The following MSI1 variants were observed in gnomAD, a reference collection of about 807,000 sequenced individuals.
The protein encoded by MSI1 is musashi RNA binding protein 1.
MSI1 carries 15 observed loss-of-function variants against 54.4 expected under a neutral mutation model. The observed-to-expected ratio is 0.28, with a 90% confidence interval of 0.18 to 0.42. The LOEUF is 0.42. MSI1 is among the 20% of genes least tolerant of loss of function. The pLI is 1.00. For missense variants in MSI1, 304 were observed against 506.0 expected (o/e 0.60, Z 3.83); for synonymous variants, 200 against 196.5 (o/e 1.02, Z -0.15).
intron 14 of MSI1, among the ~76,000 whole-genome samples, chr12:120,344,548 T>A (rs971036593): frequency 7.3e-5 from 11 of 150,904 alleles, no homozygotes; most frequent in African/African-American, 9.7e-5. Flanking sequence ...TACAAAAAAA[T>A]TTTTTAAAAA....
chr12:120,351,294 C>T, intron 11 of MSI1, 50 bp downstream of exon 11: 2 of 1,544,338 alleles, frequency 1.3e-6, no homozygotes, highest in Non-Finnish European at 1.8e-6. Context: ...TGGGCCCCTT[C>T]TGTTTCTCCC....
At chr12:120,356,840 C>G (rs1021225035) in intron 9 of MSI1, 62 bp downstream of exon 9, 2 of 1,445,332 alleles carry the variant, frequency 1.4e-6, no homozygotes, top group African/African-American at 1.4e-5. Flanking sequence ...ACCCACACAG[C>G]CCCTGCTAGT....
chr12:120,359,316 G>T lies in MSI1; in HGVS notation c.403-263C>A, dbSNP rs545163366. ...TGCATGGTAAGATCCCCATGGTGTA[G>T]ATAAGAAAGTAGGCTCAGAGAGGTG... On this transcript the variant is annotated intron_variant, in intron 6 of 14. Coordinates refer to ENST00000257552, the MANE Select transcript of MSI1 (RefSeq NM_002442.4). Among the ~76,000 whole-genome samples the T allele has an allele frequency of 5.3e-5, 8 of 152,332 alleles. No homozygotes were observed. In the East Asian group the frequency reaches 9.6e-4, roughly 18 times the overall value.
Position 120,368,384 on chromosome 12 carries a change from G to T in MSI1, c.101-111C>A. 1 of 1,173,418 alleles carries T rather than the reference G, an allele frequency of 8.5e-7. No homozygotes were observed. The allele number at this position is 1,173,418 out of a possible 1,614,324, so 72.7% of individuals were successfully genotyped here. On this transcript the variant is annotated intron_variant, in intron 2 of 14. Transcript: ENST00000257552. This position sits in a 1 kb window ranked among gnomAD's most constrained non-coding sequence, Gnocchi z 6.6. ...GGCCCGGCCGCCCCCGCGCCAAGCT[G>T]CCCGCGCGTTCTCCACTGCCGCCGC...
intron 6 of MSI1, among the ~76,000 whole-genome samples, chr12:120,361,999 G>T (rs1875696998): frequency 6.6e-6 from 1 of 151,880 alleles, no homozygotes; most frequent in Non-Finnish European, 1.5e-5. Context: ...ACACCCCGCC[G>T]CAGCCGAGCC....
chr12:120,356,808 C>G lies in MSI1; in HGVS notation c.652+94G>C, dbSNP rs1592938668. The G allele has an allele frequency of 5.4e-6, 6 of 1,105,688 alleles. No individual in the cohort carries two copies. The East Asian group carries it at 1.4e-4, about 26-fold the overall frequency. 68.5% of individuals were successfully genotyped at this position (1,105,688 alleles called of 1,614,324 possible). The stretch of plus-strand genomic sequence containing the variant: ...CTCAATGACTCAGACAGGAGGAGGG[C>G]AGACCACAGGGGAGGTGCAACACCC... On this transcript the variant is annotated intron_variant, in intron 9 of 14. Transcript: ENST00000257552.
At chr12:120,357,534 C>T (rs1875240322) in intron 8 of MSI1, among the ~76,000 whole-genome samples, 1 of 152,192 alleles carries the variant, frequency 6.6e-6, no homozygotes. Flanking sequence ...CGGAGTCTCA[C>T]TCACTCTGTT....
rs768324684 is a variant in MSI1, at chr12:120,356,976, G to A, written c.578C>T (p.Thr193Met). 32 of 1,614,126 alleles carry A rather than the reference G, an allele frequency of 2.0e-5. No homozygotes were observed. Among genetic ancestry groups the A allele is most frequent in the East Asian group, 4.5e-5 (2 of 44,896 alleles). Residue 193 changes from threonine (T) to methionine (M), a missense_variant, in exon 9 of 15, where the codon ACG becomes ATG. This residue lies in a region of MSI1 where 22 missense variants were observed against 19.6 expected (regional missense o/e 1.12). Transcript: ENST00000257552. ...TCGAGACCTCCCCCGGGCTGAGCCC[G>A]TTGGCGACATCACCTCCTTTGGCTG... is the stretch of plus-strand genomic sequence containing the variant. The part of the protein sequence containing the change: ...KAQPKEVMSP[T>M]GSARGRSRVM...
At chr12:120,353,220 CT>C in intron 10 of MSI1, 78 bp downstream of exon 10, 1 of 1,426,518 alleles carries the variant, frequency 7.0e-7, no homozygotes. Context: ...CCATGCACCC[CT>C]AGACACCACC....
At chr12:120,367,134 G>T (rs1035803377) in intron 4 of MSI1, among the ~76,000 whole-genome samples, 1 of 152,100 alleles carries the variant, frequency 6.6e-6, no homozygotes, top group Admixed American at 6.6e-5. Flanking sequence ...TTGGGCACAA[G>T]CAGCTATTGT....
At chr12:120,357,941 CG>C in intron 7 of MSI1, 43 bp from the exon 8 acceptor site, 1 of 1,583,380 alleles carries the variant, frequency 6.3e-7, no homozygotes, top group South Asian at 1.1e-5. Context: ...AGAACCAGAG[CG>C]CAGGGTCAAA....
chr12:120,345,303 G>A (rs998704715), intron 14 of MSI1, among the ~76,000 whole-genome samples: 2 of 152,102 alleles, frequency 1.3e-5, no homozygotes. Context: ...GTGACAGAAC[G>A]ATATCTTGTC....
At chr12:120,340,303 C>T (rs918816305), downstream of MSI1, among the ~76,000 whole-genome samples, 2 of 152,046 alleles carry the variant, frequency 1.3e-5, no homozygotes, top group Non-Finnish European at 1.5e-5. Context: ...AGGGTGGTTT[C>T]GAACACCTGA....
At chr12:120,347,002 T>C (rs1592924274) in intron 12 of MSI1, among the ~76,000 whole-genome samples, 1 of 151,638 alleles carries the variant, frequency 6.6e-6, no homozygotes, top group African/African-American at 2.4e-5. Flanking sequence ...CAGGCTGGAG[T>C]GCAGTGACGT....
chr12:120,355,402 CAAA>C (rs34596687), intron 9 of MSI1, among the ~76,000 whole-genome samples: 22 of 104,478 alleles, frequency 2.1e-4, no homozygotes, highest in Admixed American at 3.9e-4. Context: ...GACTCCGTCT[CAAA>C]AAAAAAAAAA....
rs963734119 is a variant in MSI1 at position 120,341,520 on chromosome 12, T to C, written c.*1607A>G. 2.0e-5 allele frequency: 3 copies of C among 151,342 alleles called. No homozygotes were observed. The highest frequency in any genetic ancestry group is 4.4e-5 in the Non-Finnish European group (3 of 67,842). The allele number at this position is 151,342 out of a possible 1,614,324, so 9.4% of individuals were successfully genotyped here. On this transcript the variant is annotated 3_prime_UTR_variant, in exon 15 of 15. Transcript: ENST00000257552. ...GAATTCCAGGGTCCTGAGCCCATGG[T>C]TGGGCCCAGTGGGGTGGAAGGGTCC...
chr12:120,343,438 A>G (rs766237541), intron 14 of MSI1, among the ~76,000 whole-genome samples: 5 of 152,014 alleles, frequency 3.3e-5, no homozygotes, highest in Non-Finnish European at 7.4e-5. Flanking sequence ...TGCCCAGGCT[A>G]GTCTCAAACT....
chr12:120,355,362 G>A (rs892530377), intron 9 of MSI1, among the ~76,000 whole-genome samples: 8 of 146,466 alleles, frequency 5.5e-5, no homozygotes, highest in Admixed American at 2.8e-4. Context: ...CCAAGATCCC[G>A]CCACTGCAGT....
At chr12:120,361,849 G>A (rs892523697) in intron 6 of MSI1, among the ~76,000 whole-genome samples, 1 of 151,888 alleles carries the variant, frequency 6.6e-6, no homozygotes, top group African/African-American at 2.4e-5. Flanking sequence ...ATTTAGGCCC[G>A]AACAAAAGAC....
Sources: allele counts gnomAD v4.1 joint callset (sites outside exome capture counted in the v4.1 genomes callset), GRCh38; gene constraint gnomAD v4.1.1; regional missense constraint gnomAD v4.1.1; non-coding constraint Gnocchi (gnomAD v3.1); transcripts MANE v1.5; gene names NCBI Gene and HGNC (gene_info 2026-07-23, HGNC 2026-07-21).